PTPRO: variants seen among roughly 807,000 people sequenced by gnomAD.
PTPRO encodes receptor-type tyrosine-protein phosphatase O.
Under a neutral mutation model 145.2 loss-of-function variants are expected in PTPRO, and 62 were observed. The ratio of observed to expected loss-of-function variants is 0.43; its 90% CI spans 0.35 to 0.53. The LOEUF (loss-of-function observed/expected upper bound fraction) is 0.53. Ranked by LOEUF, PTPRO falls within the 20% of genes least tolerant of loss-of-function variation. The pLI, the probability that PTPRO is intolerant of heterozygous loss-of-function variation, is 0.01. For missense variants in PTPRO, 1,345 were observed against 1,482.7 expected, an observed-to-expected ratio of 0.91 and a Z score of 1.53; for synonymous variants, 565 against 514.7, an observed-to-expected ratio of 1.10 and a Z score of -1.32.
At chr12:15,485,919 T>C (rs936148122) in intron 2 of PTPRO, among the ~76,000 whole-genome samples, 1 of 152,190 alleles carries the variant, frequency 6.6e-6, no homozygotes, top group Non-Finnish European at 1.5e-5. Context: ...AGTGTTGTTG[T>C]GATCAGAGAA....
At chr12:15,454,349 C>T (rs545544272) in intron 1 of PTPRO, among the ~76,000 whole-genome samples, 8 of 152,100 alleles carry the variant, frequency 5.3e-5, no homozygotes, top group Admixed American at 5.2e-4. Flanking sequence ...TTTTTGGCCA[C>T]GTGTATGTCT....
chr12:15,435,860 T>C (rs1940581095), intron 1 of PTPRO, among the ~76,000 whole-genome samples: 1 of 152,218 alleles, frequency 6.6e-6, no homozygotes, highest in Admixed American at 6.5e-5. Context: ...AACATGTCTT[T>C]GGCTCAGGCT....
Position 15,526,243 on chromosome 12 carries a change from G to A in PTPRO, c.2145G>A (p.Met715Ile), listed in dbSNP as rs1309582463. The part of the protein sequence containing the change: ...ACTERGSNTS[M>I]LRLVKLEPAP... The stretch of plus-strand genomic sequence containing the variant: ...CTGAAAGAGGAAGTAATACCTCCAT[G>A]CTCCGCCTTGTCAAGCTAGGTAAGA... The change falls in exon 12 of 27, where the codon ATG becomes ATA. Residue 715 changes from methionine to isoleucine, a missense_variant. Physicochemically the swap from Met to Ile is conservative, Grantham distance 10. Around this residue, in one of 3 missense-constraint regions of PTPRO, gnomAD observed 1,130 missense variants for 1,214.7 expected, o/e 0.93. Transcript: ENST00000281171. The A allele has an allele frequency of 6.2e-7, 1 of 1,613,952 alleles. No individual in the cohort carries two copies. Among genetic ancestry groups the A allele is most frequent in the South Asian group, 1.1e-5 (1 of 91,082 alleles).
chr12:15,377,953 T>C (rs1938736825), intron 1 of PTPRO, among the ~76,000 whole-genome samples: 1 of 151,802 alleles, frequency 6.6e-6, no homozygotes, highest in Non-Finnish European at 1.5e-5. Flanking sequence ...TGAATGAAAA[T>C]GAGAATGTAA....
intron 5 of PTPRO, 101 bp downstream of exon 5, chr12:15,502,164 A>T: frequency 8.4e-7 from 1 of 1,186,456 alleles, no homozygotes; most frequent in South Asian, 1.4e-5. Flanking sequence ...ATAGACAGTT[A>T]TTAGTCAAAG....
chr12:15,444,761 A>G (rs780229857), intron 1 of PTPRO, among the ~76,000 whole-genome samples: 3 of 152,048 alleles, frequency 2.0e-5, no homozygotes, highest in Non-Finnish European at 4.4e-5. Context: ...ACCAAATCTA[A>G]TAGTGCCTTG....
chr12:15,354,919 C>A (rs996053089), intron 1 of PTPRO, among the ~76,000 whole-genome samples: 8 of 152,156 alleles, frequency 5.3e-5, no homozygotes, highest in Admixed American at 5.2e-4. Flanking sequence ...TAAAAGGTCC[C>A]TAAAGACCCA....
At chr12:15,568,428 T>TCAAAA (rs10524989) in intron 18 of PTPRO, among the ~76,000 whole-genome samples, 41,859 of 149,336 alleles carry the variant, frequency 0.28, 6,264 homozygotes, top group Middle Eastern at 0.43. Flanking sequence ...AGACTCTGTC[T>TCAAAA]CAAAACAAAA....
chr12:15,350,332 C>T (rs545669186), intron 1 of PTPRO, among the ~76,000 whole-genome samples: 5 of 152,206 alleles, frequency 3.3e-5, no homozygotes, highest in East Asian at 1.9e-4. Flanking sequence ...ACCTTGTTCC[C>T]GTGGAAGACC....
At chr12:15,349,403 GC>G (rs1470846485) in intron 1 of PTPRO, among the ~76,000 whole-genome samples, 2 of 152,182 alleles carry the variant, frequency 1.3e-5, no homozygotes, top group Non-Finnish European at 2.9e-5. Context: ...GGAATAATTT[GC>G]ATCTAGAAAG....
At chr12:15,441,106 G>A (rs981279031) in intron 1 of PTPRO, among the ~76,000 whole-genome samples, 2 of 152,046 alleles carry the variant, frequency 1.3e-5, no homozygotes, top group African/African-American at 4.8e-5. Flanking sequence ...TTGACCACAT[G>A]CTCTACCATA....
intron 21 of PTPRO, 68 bp from the exon 22 acceptor site, chr12:15,580,629 T>C (rs768059719): frequency 6.2e-7 from 1 of 1,603,166 alleles, no homozygotes; most frequent in Non-Finnish European, 8.5e-7. Flanking sequence ...TTTTTTCCCA[T>C]AGGCGTGAAG....
intron 1 of PTPRO, among the ~76,000 whole-genome samples, chr12:15,478,232 T>C (rs1157840616): frequency 1.3e-5 from 2 of 152,148 alleles, no homozygotes; most frequent in Non-Finnish European, 1.5e-5. Flanking sequence ...CACCAGCCAA[T>C]AGGTTTTAAC....
chr12:15,408,112 A>C (rs977440366), intron 1 of PTPRO, among the ~76,000 whole-genome samples: 2 of 151,864 alleles, frequency 1.3e-5, no homozygotes, highest in Admixed American at 1.3e-4. Context: ...TACTATATGA[A>C]TCTTTCCCTC....
At chr12:15,460,476 C>T (rs931883068) in intron 1 of PTPRO, among the ~76,000 whole-genome samples, 5 of 152,040 alleles carry the variant, frequency 3.3e-5, no homozygotes, top group African/African-American at 4.8e-5. Flanking sequence ...TTCTATGTTC[C>T]CTTATTTTAA....
At chr12:15,578,813 C>A in intron 19 of PTPRO, 40 bp from the exon 20 acceptor site, 1 of 1,432,588 alleles carries the variant, frequency 7.0e-7, no homozygotes, top group Non-Finnish European at 9.9e-7. Context: ...CAATTCACAC[C>A]ACGTATGGAA....
At chr12:15,486,673 A>G (rs920209810) in intron 2 of PTPRO, among the ~76,000 whole-genome samples, 1 of 152,074 alleles carries the variant, frequency 6.6e-6, no homozygotes, top group African/African-American at 2.4e-5. Context: ...TTCAACATAT[A>G]ATCAATATAC....
chr12:15,443,173 A>G (rs1940815398), intron 1 of PTPRO, among the ~76,000 whole-genome samples: 1 of 151,920 alleles, frequency 6.6e-6, no homozygotes, highest in Non-Finnish European at 1.5e-5. Flanking sequence ...AGCCTATGCC[A>G]TCTGATGTGT....
rs543177300 is a variant in PTPRO at position 15,381,377 on chromosome 12, A to G, written c.75+58576A>G. 3.0e-3 allele frequency among the ~76,000 whole-genome samples: 452 copies of G among 152,316 alleles called. 4 individuals carry two copies. Among genetic ancestry groups the G allele is most frequent in the African/African-American group, 0.01 (434 of 41,572 alleles). On this transcript the variant is annotated intron_variant, in intron 1 of 26. Transcript: ENST00000281171. Reference sequence around the variant, plus strand: ...CTACTCAGAGCAATTTAAGTCACATAATCCCGACCAGAAGCGTATCTCCAT... The same window carrying G: ...CTACTCAGAGCAATTTAAGTCACATGATCCCGACCAGAAGCGTATCTCCAT...
Sources: gnomAD v4.1 joint callset for allele counts (sites outside exome capture counted in the v4.1 genomes callset) on GRCh38, gnomAD v4.1.1 for gene constraint, gnomAD v4.1.1 regional missense constraint, MANE v1.5 for transcripts, NCBI Gene and HGNC (gene_info 2026-07-23, HGNC 2026-07-21) for gene names.